RSPO4: variants seen among roughly 807,000 people sequenced by gnomAD.
RSPO4 encodes R-spondin 4.
Under a neutral mutation model 24.8 loss-of-function variants are expected in RSPO4, and 23 were observed. That is an observed-to-expected ratio of 0.93 (90% CI 0.67 to 1.31). The LOEUF is 1.31. Ranked by LOEUF, RSPO4 falls within the 40% of genes most tolerant of loss-of-function variation. The pLI, the probability that RSPO4 is intolerant of heterozygous loss-of-function variation, is 0.00. For missense variants in RSPO4, 333 were observed against 316.5 expected (o/e 1.05, Z -0.39); for synonymous variants, 141 against 127.4 (o/e 1.11, Z -0.72).
rs1242435633 is a variant in RSPO4 at position 959,620 on chromosome 20, G to A, written c.*737C>T. Reference sequence around the variant, plus strand: ...ATGAGGGTGGCAGGCAGCTTGCAGAGGATGCCCTCCAGGGCTGGCTGCCCA... The same window carrying A: ...ATGAGGGTGGCAGGCAGCTTGCAGAAGATGCCCTCCAGGGCTGGCTGCCCA... On this transcript the variant is annotated 3_prime_UTR_variant, in exon 5 of 5. Coordinates refer to ENST00000217260, the MANE Select transcript of RSPO4 (RefSeq NM_001029871.4). 1 of 152,548 alleles carries A rather than the reference G, an allele frequency of 6.6e-6. No individual in the cohort carries two copies. Among genetic ancestry groups the A allele is most frequent in the East Asian group, 1.9e-4 (1 of 5,188 alleles). The allele number at this position is 152,548 out of a possible 1,614,324, so 9.4% of individuals were successfully genotyped here.
At chr20:969,193 G>A (rs1984330786) in intron 1 of RSPO4, among the ~76,000 whole-genome samples, 2 of 152,250 alleles carry the variant, frequency 1.3e-5, no homozygotes, top group African/African-American at 4.8e-5. Flanking sequence ...GCACACACCT[G>A]TAGTCCCAGC....
At chr20:987,322 T>C (rs1245330175) in intron 1 of RSPO4, among the ~76,000 whole-genome samples, 1 of 152,118 alleles carries the variant, frequency 6.6e-6, no homozygotes, top group African/African-American at 2.4e-5. Context: ...ACATCTCTTA[T>C]GATTACCCTG....
intron 1 of RSPO4, among the ~76,000 whole-genome samples, chr20:983,537 C>A (rs546013992): frequency 5.9e-5 from 9 of 152,254 alleles, no homozygotes; most frequent in East Asian, 1.9e-4. Flanking sequence ...CCCTAAGGAA[C>A]CTTTGAACCC....
At chr20:966,698 A>G (rs1314540655) in intron 3 of RSPO4, among the ~76,000 whole-genome samples, 1 of 152,182 alleles carries the variant, frequency 6.6e-6, no homozygotes, top group African/African-American at 2.4e-5. Flanking sequence ...TTACAAAAAC[A>G]TAAACGCATA....
At chr20:983,258 A>T (rs1172466201) in intron 1 of RSPO4, among the ~76,000 whole-genome samples, 1 of 152,356 alleles carries the variant, frequency 6.6e-6, no homozygotes, top group Non-Finnish European at 1.5e-5. Flanking sequence ...GAGCACCTGG[A>T]GCTTCCAAGG....
intron 1 of RSPO4, among the ~76,000 whole-genome samples, chr20:1,001,272 C>T (rs1394609388): frequency 6.6e-6 from 1 of 152,210 alleles, no homozygotes; most frequent in East Asian, 1.9e-4. Context: ...AGGCGATTTG[C>T]TCACTTGCTC....
chr20:977,121 G>A lies in RSPO4; in HGVS notation c.80-8983C>T, dbSNP rs564115182. ...ACAATAGAAAACAATGTAGAGCAGG[G>A]GTTCTCAAACTTGGGCATGCATCAG... is the stretch of plus-strand genomic sequence containing the variant. On this transcript the variant is annotated intron_variant, in intron 1 of 4. Transcript: ENST00000217260. 2.3e-4 allele frequency among the ~76,000 whole-genome samples: 35 copies of A among 152,244 alleles called. No individual in the cohort carries two copies. The South Asian group carries it at 6.8e-3, about 30-fold the overall frequency.
At chr20:983,183 G>A (rs951334047) in intron 1 of RSPO4, among the ~76,000 whole-genome samples, 6 of 152,214 alleles carry the variant, frequency 3.9e-5, no homozygotes, top group Admixed American at 6.5e-5. Flanking sequence ...AGAGCTCAGG[G>A]CTAGGAATTA....
intron 1 of RSPO4, among the ~76,000 whole-genome samples, chr20:996,358 G>A (rs1336132009): frequency 2.6e-5 from 4 of 152,156 alleles, no homozygotes; most frequent in Admixed American, 6.5e-5. Context: ...GGGAGCTTCA[G>A]TTTTTTCACC....
chr20:980,701 C>T (rs1006277684), intron 1 of RSPO4, among the ~76,000 whole-genome samples: 4 of 152,026 alleles, frequency 2.6e-5, no homozygotes, highest in African/African-American at 7.3e-5. Flanking sequence ...GTGGTAAAAC[C>T]GGGGTTCAAA....
chr20:962,185 G>A (rs1286755387), intron 4 of RSPO4, among the ~76,000 whole-genome samples: 1 of 152,196 alleles, frequency 6.6e-6, no homozygotes, highest in Non-Finnish European at 1.5e-5. Flanking sequence ...CGCTGAACAA[G>A]CAAACACGAG....
chr20:996,111 A>G (rs1000770910), intron 1 of RSPO4, among the ~76,000 whole-genome samples: 1 of 152,124 alleles, frequency 6.6e-6, no homozygotes, highest in African/African-American at 2.4e-5. Flanking sequence ...AGTGGAGTAC[A>G]TGACAGATTG....
intron 4 of RSPO4, among the ~76,000 whole-genome samples, 198 bp downstream of exon 4, chr20:963,737 T>C (rs1035827370): frequency 1.3e-5 from 2 of 152,162 alleles, no homozygotes; most frequent in Non-Finnish European, 2.9e-5. Flanking sequence ...TCCTAATGTA[T>C]TTGGGACTGA....
chr20:966,832 C>A (rs1984216309), intron 3 of RSPO4, among the ~76,000 whole-genome samples: 1 of 152,118 alleles, frequency 6.6e-6, no homozygotes, highest in Non-Finnish European at 1.5e-5. Flanking sequence ...TCCAGCTGGG[C>A]AACAGAGTGA....
At chr20:985,952 G>A (rs1400362463) in intron 1 of RSPO4, among the ~76,000 whole-genome samples, 1 of 152,238 alleles carries the variant, frequency 6.6e-6, no homozygotes, top group Non-Finnish European at 1.5e-5. Context: ...AATGAGAAAT[G>A]CAAAAGGGGT....
intron 4 of RSPO4, among the ~76,000 whole-genome samples, chr20:961,731 C>T (rs1600086655): frequency 6.6e-6 from 1 of 152,072 alleles, no homozygotes; most frequent in East Asian, 1.9e-4. Context: ...GTCCCTACCC[C>T]TTCCCTAGGC....
chr20:980,975 T>C (rs1984717253), intron 1 of RSPO4, among the ~76,000 whole-genome samples: 1 of 152,142 alleles, frequency 6.6e-6, no homozygotes, highest in Non-Finnish European at 1.5e-5. Context: ...AATGTAGATT[T>C]TGATGCTAAA....
At chr20:982,084 G>C (rs536987580) in intron 1 of RSPO4, among the ~76,000 whole-genome samples, 2 of 152,150 alleles carry the variant, frequency 1.3e-5, no homozygotes, top group Non-Finnish European at 2.9e-5. Context: ...AAGAAAAAAG[G>C]GTTGTTTTTG....
At chr20:962,191 A>G (rs1984019999) in intron 4 of RSPO4, among the ~76,000 whole-genome samples, 1 of 152,186 alleles carries the variant, frequency 6.6e-6, no homozygotes, top group African/African-American at 2.4e-5. Context: ...ACAAGCAAAC[A>G]CGAGAATGAG....
Sources: gnomAD v4.1 joint callset for allele counts (sites outside exome capture counted in the v4.1 genomes callset) on GRCh38, gnomAD v4.1.1 for gene constraint, MANE v1.5 for transcripts, NCBI Gene and HGNC (gene_info 2026-07-23, HGNC 2026-07-21) for gene names.